The following WDFY4 variants were observed in gnomAD, a reference collection of about 807,000 sequenced individuals.
WDFY4 encodes the protein WDFY family member 4.
WDFY4 carries 169 observed loss-of-function variants against 351.9 expected under a neutral mutation model. The ratio of observed to expected loss-of-function variants is 0.48; its 90% CI spans 0.42 to 0.55. The LOEUF (loss-of-function observed/expected upper bound fraction) is 0.55. WDFY4 is among the 20% of genes least tolerant of loss of function. WDFY4 has a pLI of 0.00. For synonymous variants in WDFY4, 1,622 were observed against 1,574.6 expected, an observed-to-expected ratio of 1.03 and a Z score of -0.71; for missense variants, 3,803 against 3,935.6, an observed-to-expected ratio of 0.97 and a Z score of 0.90.
intron 12 of WDFY4, among the ~76,000 whole-genome samples, chr10:48,749,822 G>T (rs1031951034): frequency 1.3e-5 from 2 of 152,190 alleles, no homozygotes; most frequent in Non-Finnish European, 2.9e-5. Flanking sequence ...TCCAAAGCAA[G>T]GCAGCCCTGC....
In WDFY4 at chr10:48,824,564, G is replaced by T. The variant is rs1278236717; in HGVS notation, c.5982+2027G>T. Among the ~76,000 whole-genome samples the T allele has an allele frequency of 5.3e-5, 8 of 152,206 alleles. 1 individual carries two copies. The Middle Eastern group carries it at 0.01, about 194-fold the overall frequency. On this transcript the variant is annotated intron_variant, in intron 35 of 61. Transcript: ENST00000325239. ...CAAATTTTCACCCAAATTCTGCATA[G>T]CCTTGATTGATCATTTCCTTAAATA...
At chr10:48,833,962 A>G (rs1386524185) in intron 39 of WDFY4, among the ~76,000 whole-genome samples, 1 of 152,186 alleles carries the variant, frequency 6.6e-6, no homozygotes, top group Admixed American at 6.5e-5. Flanking sequence ...GCCGAGGAAA[A>G]GGCCTTTCTT....
intron 2 of WDFY4, among the ~76,000 whole-genome samples, chr10:48,711,176 G>T (rs117313508): frequency 6.6e-4 from 100 of 152,168 alleles, no homozygotes; most frequent in Admixed American, 2.2e-3. Context: ...TTAGAATCTT[G>T]TTGGGAACAC....
rs376562159 is a variant in WDFY4, at chr10:48,860,090, T to C, written c.6664-7175T>C. On this transcript the variant is annotated intron_variant, in intron 39 of 61. Coordinates refer to ENST00000325239, the MANE Select transcript of WDFY4 (RefSeq NM_001394531.1). ...TTTGTGTCATTTCCTTTTTCATCTA[T>C]GTTAGTGTTTCTAAAGGTTTGTAAA... Among the ~76,000 whole-genome samples, 5 of 152,258 alleles carry C rather than the reference T, an allele frequency of 3.3e-5. No individual in the cohort carries two copies. In the East Asian group the frequency reaches 7.7e-4, roughly 23 times the overall value.
At chr10:48,768,806 T>A (rs546046059) in intron 13 of WDFY4, among the ~76,000 whole-genome samples, 1 of 150,894 alleles carries the variant, frequency 6.6e-6, no homozygotes, top group Admixed American at 6.6e-5. Context: ...ACAGTGCTGG[T>A]TGGGAAAGTC....
At chr10:48,887,461 T>A (rs572707505) in intron 43 of WDFY4, among the ~76,000 whole-genome samples, 101 of 152,312 alleles carry the variant, frequency 6.6e-4, no homozygotes, top group African/African-American at 2.2e-3. Flanking sequence ...CCCATACCCT[T>A]GACCTGCAAT....
rs181952941 is a variant in WDFY4, at chr10:48,805,148, G to A, written c.4485-112G>A. On this transcript the variant is annotated intron_variant, in intron 25 of 61. Transcript: ENST00000325239. ...TTGACAAATTGCCAAGAGAGCATTG[G>A]AGTTAAGGGGCCATGGAACAAGCCT... 2.4e-6 allele frequency: 3 copies of A among 1,226,512 alleles called. No homozygotes were observed. The South Asian group carries it at 4.6e-5, about 19-fold the overall frequency. 76.0% of individuals were successfully genotyped at this position (1,226,512 alleles called of 1,614,324 possible).
rs989917824 is a variant in WDFY4, at chr10:48,723,437, C to T, written c.461C>T (p.Thr154Met). ...ACGTGTGCTCTTCTCTTGCAGGAGA[C>T]GCTGGGCAGGGTTGCTGAGTCTGGG... ...VYVLTGTDSE[T>M]LGRVAESGLP... The change falls in exon 5 of 62, where the codon ACG becomes ATG. Residue 154 changes from threonine (T) to methionine (M), a missense_variant. This residue lies in a region of WDFY4 where 488 missense variants were observed against 456.8 expected (regional missense o/e 1.07). Transcript: ENST00000325239. 15 of 1,549,546 alleles carry T rather than the reference C, an allele frequency of 9.7e-6. No individual in the cohort carries two copies. The Admixed American group carries it at 1.2e-4, about 12-fold the overall frequency.
At chr10:48,931,301 C>T (rs569533843) in intron 47 of WDFY4, among the ~76,000 whole-genome samples, 3 of 152,332 alleles carry the variant, frequency 2.0e-5, no homozygotes, top group East Asian at 3.9e-4. Flanking sequence ...GCAGCCAGTG[C>T]TGTCCTAGGT....
At chr10:48,937,119 C>G (rs1297326131) in intron 47 of WDFY4, among the ~76,000 whole-genome samples, 1 of 152,012 alleles carries the variant, frequency 6.6e-6, no homozygotes, top group Non-Finnish European at 1.5e-5. Context: ...GTCTCGAACT[C>G]CTGACCTCAG....
chr10:48,709,017 C>A (rs1035939060), intron 1 of WDFY4, among the ~76,000 whole-genome samples: 1 of 151,136 alleles, frequency 6.6e-6, no homozygotes, highest in African/African-American at 2.4e-5. Flanking sequence ...ACCCCCCCCC[C>A]CCAAACAGGC....
rs555344799 is a variant in WDFY4 at position 48,760,984 on chromosome 10, C to T, written c.2553+544C>T. Among the ~76,000 whole-genome samples, 5 of 152,132 alleles carry T rather than the reference C, an allele frequency of 3.3e-5. No homozygotes were observed. The East Asian group carries it at 5.8e-4, about 18-fold the overall frequency. On this transcript the variant is annotated intron_variant, in intron 13 of 61. Coordinates refer to ENST00000325239, the MANE Select transcript of WDFY4 (RefSeq NM_001394531.1). ...GTGAATATGAAATTATGAATTGTGACGAGTGATATTACAGGGAAAAATCAG... is the reference window on the plus strand; with the variant it reads ...GTGAATATGAAATTATGAATTGTGATGAGTGATATTACAGGGAAAAATCAG...
chr10:48,706,400 A>G (rs2063628515), intron 1 of WDFY4, among the ~76,000 whole-genome samples: 1 of 152,184 alleles, frequency 6.6e-6, no homozygotes, highest in Non-Finnish European at 1.5e-5. Context: ...GTCTGACTCC[A>G]GAACACCAGC....
chr10:48,786,727 G>A lies in WDFY4; in HGVS notation c.3665G>A (p.Arg1222Gln), dbSNP rs780248752. The change falls in exon 20 of 62, where the codon CGA becomes CAA. Residue 1222 changes from arginine to glutamine, a missense_variant. Physicochemically the swap from Arg to Gln is conservative, Grantham distance 43. This residue lies in a region of WDFY4 where 3,054 missense variants were observed against 3,148.6 expected (regional missense o/e 0.97). Coordinates refer to ENST00000325239, the MANE Select transcript of WDFY4 (RefSeq NM_001394531.1). ...VDVYGYIATP[R>Q]VWKQKSSLIW... ...GTTTATGGATATATTGCTACTCCTC[G>A]AGTCTGGAAACAAAAGTCTTCATTA... 10 of 1,552,048 alleles carry A rather than the reference G, an allele frequency of 6.4e-6. No homozygotes were observed. Among genetic ancestry groups the A allele is most frequent in the Non-Finnish European group, 8.7e-6 (10 of 1,147,122 alleles).
chr10:48,699,226 C>A (rs1029958164), intron 1 of WDFY4, among the ~76,000 whole-genome samples: 1 of 152,112 alleles, frequency 6.6e-6, no homozygotes, highest in African/African-American at 2.4e-5. Context: ...TGGGGCCTGG[C>A]CATAGCCACT....
intron 13 of WDFY4, among the ~76,000 whole-genome samples, chr10:48,762,727 C>T (rs945216973): frequency 2.6e-5 from 4 of 152,228 alleles, no homozygotes; most frequent in Non-Finnish European, 4.4e-5. Context: ...CTACATAGCC[C>T]TCTCCATCTG....
At chr10:48,703,180 A>G (rs1224255172) in intron 1 of WDFY4, among the ~76,000 whole-genome samples, 1 of 152,126 alleles carries the variant, frequency 6.6e-6, no homozygotes, top group Non-Finnish European at 1.5e-5. Flanking sequence ...TTTGCTATTT[A>G]TTTATTTATT....
intron 24 of WDFY4, chr10:48,802,896 G>A: frequency 2.1e-6 from 1 of 476,348 alleles, no homozygotes; most frequent in South Asian, 1.6e-5. Flanking sequence ...GTCTGTCTCA[G>A]CCTCTATTTT....
chr10:48,878,984 A>C (rs566001586), intron 43 of WDFY4, among the ~76,000 whole-genome samples: 1 of 152,254 alleles, frequency 6.6e-6, no homozygotes. Flanking sequence ...GGATATTAAA[A>C]TATATAACAC....
Sources: allele counts gnomAD v4.1 joint callset (sites outside exome capture counted in the v4.1 genomes callset), GRCh38; gene constraint gnomAD v4.1.1; regional missense constraint gnomAD v4.1.1; transcripts MANE v1.5; gene names NCBI Gene and HGNC (gene_info 2026-07-23, HGNC 2026-07-21).